The following LOC131768270 variants were observed in gnomAD, a reference collection of about 807,000 sequenced individuals.
At chr5:140,567,349 C>G in the LOC131768270 span, 3 of 1,614,050 alleles carry the variant, frequency 1.9e-6, no homozygotes, top group East Asian at 6.7e-5. Context: ...CTGAGCTGAC[C>G]AAGCTACTGT....
the LOC131768270 span, chr5:140,566,636 A>C: frequency 4.4e-6 from 2 of 451,526 alleles, no homozygotes; most frequent in African/African-American, 4.0e-5. Flanking sequence ...AACTGAGGGC[A>C]TCAGCAGTAT....
chr5:140,567,038 C>T, the LOC131768270 span: 1 of 1,432,226 alleles, frequency 7.0e-7, no homozygotes, highest in South Asian at 1.2e-5. Flanking sequence ...TGGTAGATGC[C>T]TCTGATCCTC....
chr5:140,567,433 C>T, the LOC131768270 span: 7 of 1,614,126 alleles, frequency 4.3e-6, no homozygotes, highest in African/African-American at 1.3e-5. Flanking sequence ...AGGCTGCTCC[C>T]TTCGCACTAT....
At chr5:140,568,859 A>G in the LOC131768270 span, 1 of 167,132 alleles carries the variant, frequency 6.0e-6, no homozygotes, top group Non-Finnish European at 1.5e-5. Flanking sequence ...GTTCACCCTG[A>G]GGGCTGTCTT....
the LOC131768270 span, chr5:140,567,799 G>A: frequency 1.2e-6 from 2 of 1,614,072 alleles, no homozygotes; most frequent in South Asian, 1.1e-5. Flanking sequence ...AGCTGCTCAT[G>A]AAGCGACAGC....
the LOC131768270 span, chr5:140,566,832 C>A: frequency 3.3e-6 from 2 of 605,472 alleles, no homozygotes; most frequent in Non-Finnish European, 5.9e-6. Flanking sequence ...TCTGGATTCC[C>A]CAGCTGTCAT....
At chr5:140,567,309 C>G in the LOC131768270 span, 48 of 1,614,178 alleles carry the variant, frequency 3.0e-5, 1 homozygote, top group South Asian at 4.9e-4. Context: ...GGCCGAGTGC[C>G]CTTCCGGCCC....
the LOC131768270 span, chr5:140,565,859 C>A: frequency 2.5e-6 from 1 of 398,896 alleles, no homozygotes; most frequent in Non-Finnish European, 4.4e-6. Context: ...GAGCCAGCCT[C>A]TCGCTTGTCC....
the LOC131768270 span, chr5:140,567,283 A>G: frequency 6.2e-7 from 1 of 1,614,134 alleles, no homozygotes; most frequent in South Asian, 1.1e-5. Context: ...CATTGCTGGC[A>G]CTGTGCCATG....
the LOC131768270 span, chr5:140,568,362 T>C: frequency 1.4e-6 from 1 of 690,004 alleles, no homozygotes; most frequent in Non-Finnish European, 2.4e-6. Flanking sequence ...AAGGAAATGC[T>C]TACCATCCCC....
chr5:140,566,334 C>T, the LOC131768270 span, among the ~76,000 whole-genome samples: 1 of 152,068 alleles, frequency 6.6e-6, no homozygotes, highest in African/African-American at 2.4e-5. Context: ...CCTTGTGTGG[C>T]GGTGGAGTTC....
chr5:140,564,858 G>C, the LOC131768270 span: 2 of 405,186 alleles, frequency 4.9e-6, no homozygotes, highest in Non-Finnish European at 8.7e-6. This position sits in a 1 kb window ranked among gnomAD's most constrained non-coding sequence, Gnocchi z 5.0. Flanking sequence ...CGGATGACAA[G>C]GTGAGTGGCC....
the LOC131768270 span, chr5:140,568,234 G>A: frequency 1.3e-6 from 2 of 1,595,804 alleles, no homozygotes; most frequent in Non-Finnish European, 1.7e-6. Context: ...TCTCCCATCA[G>A]CAGCCCTGTA....
the LOC131768270 span, chr5:140,568,544 G>T: frequency 3.7e-6 from 1 of 267,252 alleles, no homozygotes; most frequent in South Asian, 4.5e-5. Flanking sequence ...TAGTCACCCA[G>T]CAGAGCCACT....
the LOC131768270 span, chr5:140,567,946 C>T: frequency 1.5e-5 from 25 of 1,614,206 alleles, no homozygotes; most frequent in Non-Finnish European, 2.1e-5. Flanking sequence ...TGGTGCTGAG[C>T]CAGGCACTAA....
the LOC131768270 span, chr5:140,567,733 C>G: frequency 1.9e-6 from 3 of 1,614,162 alleles, no homozygotes; most frequent in South Asian, 1.1e-5. Flanking sequence ...CTCCGCTAGG[C>G]CTGCTGCTCC....
At chr5:140,568,238 C>T in the LOC131768270 span, 1 of 1,585,834 alleles carries the variant, frequency 6.3e-7, no homozygotes, top group South Asian at 1.1e-5. Flanking sequence ...CCATCAGCAG[C>T]CCTGTAACAA....
At chr5:140,567,727 G>A in the LOC131768270 span, 3 of 1,613,948 alleles carry the variant, frequency 1.9e-6, no homozygotes, top group South Asian at 1.1e-5. Context: ...ATATCACTCC[G>A]CTAGGCCTGC....
chr5:140,568,278 G>A, the LOC131768270 span: 2 of 1,404,754 alleles, frequency 1.4e-6, no homozygotes, highest in South Asian at 1.3e-5. Context: ...GGAGAAGTGA[G>A]GGCAGCCAGG....
Sources: gnomAD v4.1 joint callset for allele counts (sites outside exome capture counted in the v4.1 genomes callset) on GRCh38, gnomAD v4.1.1 for gene constraint, Gnocchi (gnomAD v3.1) non-coding constraint, MANE v1.5 for transcripts.